The following IQSEC1 variants were observed in gnomAD, a reference collection of about 807,000 sequenced individuals.
IQSEC1 encodes the protein IQ motif and SEC7 domain-containing protein 1.
In IQSEC1, 31 loss-of-function variants were observed where a neutral mutation model predicts 91.0. The ratio of observed to expected loss-of-function variants is 0.34; its 90% CI spans 0.26 to 0.46. The LOEUF is 0.46. Among genes scored for constraint, IQSEC1 ranks in the 20% least tolerant of loss-of-function variants. The pLI, the probability that IQSEC1 is intolerant of heterozygous loss-of-function variation, is 1.00. For missense variants in IQSEC1, 1,388 were observed against 1,575.6 expected (o/e 0.88, Z 2.02); for synonymous variants, 699 against 662.6 (o/e 1.05, Z -0.84).
intron 12 of IQSEC1, among the ~76,000 whole-genome samples, chr3:12,905,580 T>C (rs1328535767): frequency 6.6e-6 from 1 of 152,260 alleles, no homozygotes; most frequent in Non-Finnish European, 1.5e-5. Context: ...TGTCTGATTC[T>C]GGCATCTGCG....
chr3:13,126,480 A>T (rs1354474143), intron 2 of IQSEC1, among the ~76,000 whole-genome samples: 13 of 152,212 alleles, frequency 8.5e-5, no homozygotes, highest in Admixed American at 8.5e-4. Context: ...ACTGCTAAGT[A>T]TGTTTGTGTG....
intron 3 of IQSEC1, among the ~76,000 whole-genome samples, chr3:12,930,190 CTCTTT>C (rs138679387): frequency 0.028 from 4,324 of 152,294 alleles, 70 homozygotes; most frequent in Non-Finnish European, 0.039. Context: ...TTCTCTCTCT[CTCTTT>C]TAAGACCCAG....
intron 8 of IQSEC1, among the ~76,000 whole-genome samples, chr3:12,913,858 T>G (rs1015132924): frequency 6.6e-6 from 1 of 152,202 alleles, no homozygotes; most frequent in African/African-American, 2.4e-5. Flanking sequence ...CCAGGCTTCT[T>G]AAACTATCAC....
rs186455880 is a variant in IQSEC1 at position 13,240,119 on chromosome 3, C to T, written c.272+42592G>A. On this transcript the variant is annotated intron_variant, in intron 1 of 15. Transcript: ENST00000648114. ...GCCGGCCGGGTGTGGTGGTTCATGCCTATAATCCTAGCACTTTGGGAAGCT... is the reference window on the plus strand; with the variant it reads ...GCCGGCCGGGTGTGGTGGTTCATGCTTATAATCCTAGCACTTTGGGAAGCT... Among the ~76,000 whole-genome samples, 566 of 152,172 alleles carry T rather than the reference C, an allele frequency of 3.7e-3. 5 individuals carry two copies. Among genetic ancestry groups the T allele is most frequent in the African/African-American group, 0.013 (519 of 41,518 alleles).
intron 3 of IQSEC1, among the ~76,000 whole-genome samples, chr3:12,929,006 TG>T (rs1697404647): frequency 6.6e-6 from 1 of 152,118 alleles, no homozygotes; most frequent in Admixed American, 6.6e-5. Context: ...TCAAAAAACA[TG>T]CTTTCTAGTT....
At chr3:13,161,167 G>A (rs1707168273) in intron 2 of IQSEC1, among the ~76,000 whole-genome samples, 1 of 152,220 alleles carries the variant, frequency 6.6e-6, no homozygotes, top group African/African-American at 2.4e-5. Flanking sequence ...AGAAAGGCGA[G>A]TGGCATCATT....
intron 1 of IQSEC1, among the ~76,000 whole-genome samples, chr3:13,170,225 G>A (rs1042969317): frequency 2.0e-5 from 3 of 152,274 alleles, no homozygotes; most frequent in Non-Finnish European, 4.4e-5. Flanking sequence ...CAAGCCCCAA[G>A]CTGTGGCAGC....
Position 12,920,549 on chromosome 3 carries a change from T to C in IQSEC1, c.1901A>G (p.Asn634Ser). 1 of 1,614,174 alleles carries C rather than the reference T, an allele frequency of 6.2e-7. No individual in the cohort carries two copies. Among genetic ancestry groups the C allele is most frequent in the Non-Finnish European group, 8.5e-7 (1 of 1,180,028 alleles). Residue 634 changes from asparagine (N) to serine (S), a missense_variant, in exon 6 of 14, where the codon AAC becomes AGC. Transcript: ENST00000613206. Reference sequence around the variant, plus strand: ...GGCCAGGATGAAAATGGTGTCTGGGTTCCGGAATTGCCGCACCACCCCAGG... The same window carrying C: ...GGCCAGGATGAAAATGGTGTCTGGGCTCCGGAATTGCCGCACCACCCCAGG... ...CNPGVVRQFR[N>S]PDTIFILAFA... is the part of the protein sequence containing the mutation.
rs550656534 is a variant in IQSEC1, at chr3:12,979,854, C to T, written c.24-37989G>A. On this transcript the variant is annotated intron_variant, in intron 1 of 13. Transcript: ENST00000613206. The surrounding 1 kb of genome is among the most constrained non-coding windows in gnomAD (Gnocchi z 4.3). Reference sequence around the variant, plus strand: ...GTTTCGCGGCCTGGATCTCATACTTCCTGAAACCCTGCTTGGTGGGTAACA... The same window carrying T: ...GTTTCGCGGCCTGGATCTCATACTTTCTGAAACCCTGCTTGGTGGGTAACA... 6.6e-6 allele frequency among the ~76,000 whole-genome samples: 1 copy of T among 152,284 alleles called. No individual in the cohort carries two copies. Among genetic ancestry groups the T allele is most frequent in the African/African-American group, 2.4e-5 (1 of 41,554 alleles).
intron 1 of IQSEC1, among the ~76,000 whole-genome samples, chr3:13,018,035 G>A (rs1026122209): frequency 6.6e-6 from 1 of 152,192 alleles, no homozygotes; most frequent in African/African-American, 2.4e-5. Flanking sequence ...CAGAGCTGGG[G>A]AGCAGATGGG....
At chr3:13,236,446 CTGCTTTCGTTAG>C (rs1694929894) in intron 1 of IQSEC1, among the ~76,000 whole-genome samples, 2 of 152,376 alleles carry the variant, frequency 1.3e-5, no homozygotes, top group African/African-American at 4.8e-5. Flanking sequence ...GTCCTCTGCC[CTGCTTTCGTTAG>C]TGGGGACACG....
chr3:12,978,334 C>T (rs917289660), intron 1 of IQSEC1, among the ~76,000 whole-genome samples: 1 of 152,182 alleles, frequency 6.6e-6, no homozygotes, highest in African/African-American at 2.4e-5. Flanking sequence ...CAGCAGCAGC[C>T]TCAGCTGGGA....
chr3:12,955,273 C>T (rs1699828624), intron 1 of IQSEC1, among the ~76,000 whole-genome samples: 1 of 152,248 alleles, frequency 6.6e-6, no homozygotes, highest in South Asian at 2.1e-4. Flanking sequence ...GGGCTCAGCT[C>T]TCTGTGTGTT....
intron 1 of IQSEC1, among the ~76,000 whole-genome samples, chr3:13,042,784 C>T (rs912187368): frequency 6.6e-6 from 1 of 152,162 alleles, no homozygotes; most frequent in Non-Finnish European, 1.5e-5. Flanking sequence ...CCTGGGGCTC[C>T]GGGTGGTGGG....
At chr3:13,227,446 G>A (rs998833633) in intron 1 of IQSEC1, among the ~76,000 whole-genome samples, 4 of 151,242 alleles carry the variant, frequency 2.6e-5, no homozygotes, top group East Asian at 3.9e-4. Context: ...CTGCCCTCTC[G>A]TAGCTCATGT....
intron 1 of IQSEC1, among the ~76,000 whole-genome samples, chr3:13,017,231 C>G (rs182837975): frequency 9.9e-4 from 151 of 152,370 alleles, no homozygotes; most frequent in African/African-American, 3.5e-3. Context: ...TGGCACCGAT[C>G]TTTGCCTGAA....
intron 1 of IQSEC1, among the ~76,000 whole-genome samples, chr3:13,069,640 C>T (rs1369862413): frequency 2.0e-5 from 3 of 152,170 alleles, no homozygotes; most frequent in South Asian, 4.1e-4. Context: ...CATGGGTAGG[C>T]GAGTGCTCCA....
chr3:13,199,469 G>A (rs1694196368), intron 1 of IQSEC1, among the ~76,000 whole-genome samples: 1 of 152,128 alleles, frequency 6.6e-6, no homozygotes, highest in African/African-American at 2.4e-5. Context: ...GCTCGCACAG[G>A]ACTGTGTGGA....
At chr3:13,072,903 CCCCCA>C in intron 1 of IQSEC1, 84 bp downstream of exon 1, 1 of 1,193,588 alleles carries the variant, frequency 8.4e-7, no homozygotes, top group South Asian at 1.3e-5. Context: ...ACCTGCCCCT[CCCCCA>C]ACGATGCCCC....
Sources: allele counts gnomAD v4.1 joint callset (sites outside exome capture counted in the v4.1 genomes callset), GRCh38; gene constraint gnomAD v4.1.1; non-coding constraint Gnocchi (gnomAD v3.1); transcripts MANE v1.5; gene names NCBI Gene and HGNC (gene_info 2026-07-23, HGNC 2026-07-21).